Variants in DOCK8 observed in about 807,000 individuals in gnomAD.
DOCK8 encodes dedicator of cytokinesis 8.
Under a neutral mutation model 245.6 loss-of-function variants are expected in DOCK8, and 141 were observed. That is an observed-to-expected ratio of 0.57 (90% CI 0.50 to 0.66). The LOEUF is 0.66. Among genes scored for constraint, DOCK8 ranks in the 30% least tolerant of loss-of-function variants. The pLI is 0.00. For synonymous variants in DOCK8, 1,168 were observed against 970.2 expected (o/e 1.20, Z -3.79); for missense variants, 2,965 against 2,603.4 (o/e 1.14, Z -3.02).
chr9:257,252 A>G (rs1017301844), intron 1 of DOCK8, among the ~76,000 whole-genome samples: 1 of 152,224 alleles, frequency 6.6e-6, no homozygotes, highest in Non-Finnish European at 1.5e-5. Flanking sequence ...TATCTTAGTT[A>G]AATTTGGCTA....
intron 1 of DOCK8, among the ~76,000 whole-genome samples, chr9:261,997 GAGAAAGAAAGAAAGAA>G (rs149792134): frequency 7.6e-4 from 112 of 146,852 alleles, no homozygotes; most frequent in African/African-American, 2.6e-3. Flanking sequence ...AAGAAAGAAG[GAGAAAGAAAGAAAGAA>G]AGAAAGAAAG....
intron 1 of DOCK8, among the ~76,000 whole-genome samples, chr9:269,862 G>A (rs1043618864): frequency 5.3e-5 from 8 of 152,126 alleles, no homozygotes; most frequent in African/African-American, 1.4e-4. Flanking sequence ...ACTGCCAGAA[G>A]TATGTTTTCA....
intron 14 of DOCK8, among the ~76,000 whole-genome samples, chr9:367,125 G>A (rs1053677015): frequency 6.6e-6 from 1 of 152,188 alleles, no homozygotes. Flanking sequence ...ATAGCTATGA[G>A]AATTAAACAA....
intron 1 of DOCK8, among the ~76,000 whole-genome samples, chr9:231,094 G>T (rs2047106190): frequency 6.6e-6 from 1 of 152,088 alleles, no homozygotes. Flanking sequence ...TGTAAGGAAG[G>T]GATCCAGTTT....
Position 400,057 on chromosome 9 carries a change from ACCTC to A in DOCK8, c.3234+800_3234+803del, listed in dbSNP as rs2054720854. Among the ~76,000 whole-genome samples, 9 of 108,288 alleles carry A rather than the reference ACCTC, an allele frequency of 8.3e-5. 1 individual carries two copies. The highest frequency in any genetic ancestry group is 7.1e-4 in the East Asian group (3 of 4,254). 71.0% of individuals were successfully genotyped at this position (108,288 alleles called of 152,430 possible). On this transcript the variant is annotated intron_variant, in intron 26 of 47. Transcript: ENST00000432829. ...CACCACCACCACCTCCACCATCACC[ACCTC>A]CTTCACCATCACCATCACCACCACC... is the stretch of plus-strand genomic sequence containing the variant.
At chr9:248,383 G>C (rs1291038752) in intron 1 of DOCK8, among the ~76,000 whole-genome samples, 5 of 152,022 alleles carry the variant, frequency 3.3e-5, no homozygotes, top group African/African-American at 1.2e-4. Context: ...GCTTTCAAAG[G>C]AACACCATTT....
At chr9:227,670 C>T (rs896953547) in intron 1 of DOCK8, among the ~76,000 whole-genome samples, 45 of 152,202 alleles carry the variant, frequency 3.0e-4, no homozygotes, top group African/African-American at 1.1e-3. Flanking sequence ...TATTGGGCGG[C>T]TTGAAATACA....
chr9:258,748 C>A (rs920897981), intron 1 of DOCK8, among the ~76,000 whole-genome samples: 1 of 151,832 alleles, frequency 6.6e-6, no homozygotes, highest in Non-Finnish European at 1.5e-5. Flanking sequence ...CAGACATGTG[C>A]CACCATGCCC....
At chr9:214,606 A>C (rs141547371), upstream of DOCK8, 692 of 1,613,780 alleles carry the variant, frequency 4.3e-4, 2 homozygotes, top group Non-Finnish European at 5.3e-4. Flanking sequence ...GGGCAGATGG[A>C]GCTTCCGGCC....
intron 1 of DOCK8, among the ~76,000 whole-genome samples, chr9:242,809 T>A (rs560147195): frequency 1.3e-5 from 2 of 151,106 alleles, no homozygotes; most frequent in Non-Finnish European, 3.0e-5. Flanking sequence ...CTGTTGAGCT[T>A]GTTTTTTTTT....
intron 3 of DOCK8, among the ~76,000 whole-genome samples, 194 bp from the exon 4 acceptor site, chr9:289,316 T>A (rs1434410243): frequency 2.0e-5 from 3 of 152,300 alleles, no homozygotes; most frequent in Admixed American, 2.0e-4. Flanking sequence ...AATGCCAACA[T>A]GTTTGTCTCA....
chr9:433,298 G>A (rs2056782038), intron 37 of DOCK8, among the ~76,000 whole-genome samples: 1 of 152,226 alleles, frequency 6.6e-6, no homozygotes, highest in South Asian at 2.1e-4. Flanking sequence ...CTGGCAGAGG[G>A]GAACGGGGAT....
intron 7 of DOCK8, among the ~76,000 whole-genome samples, chr9:319,016 G>T (rs557086809): frequency 2.0e-5 from 3 of 152,156 alleles, no homozygotes; most frequent in Non-Finnish European, 4.4e-5. Context: ...GTTAATGGAG[G>T]CCAAGTGTGG....
At position 311,975 on chromosome 9, in the gene DOCK8, G is replaced by A. The variant is rs143461644; in HGVS notation, c.550G>A (p.Val184Met). The A allele has an allele frequency of 1.3e-3, 2,089 of 1,614,038 alleles. 4 individuals carry two copies. Among genetic ancestry groups the A allele is most frequent in the Non-Finnish European group, 1.3e-3 (1,590 of 1,180,036 alleles). The stretch of plus-strand genomic sequence containing the variant: ...ACAGGCAGGCCCCCGCCACTTAAAC[G>A]TGCTGTGCGACGTGTCTGGGAAAGG... ...AAQAGPRHLN[V>M]LCDVSGKGPV... The change falls in exon 6 of 48, where the codon GTG becomes ATG. Residue 184 changes from valine (V) to methionine (M), a missense_variant. By Grantham distance (21) the Val-to-Met change is conservative. Coordinates refer to ENST00000432829, the MANE Select transcript of DOCK8 (RefSeq NM_203447.4).
intron 47 of DOCK8, 45 bp downstream of exon 47, chr9:463,732 AGCGCATGGG>A (rs1357257162): frequency 2.5e-6 from 4 of 1,610,052 alleles, no homozygotes; most frequent in Non-Finnish European, 3.4e-6. Context: ...GATAAAGAGC[AGCGCATGGG>A]GCCTAGCACC....
chr9:317,425 CAGT>C (rs1180877620), intron 7 of DOCK8, among the ~76,000 whole-genome samples: 4 of 152,090 alleles, frequency 2.6e-5, no homozygotes, highest in East Asian at 1.9e-4. Context: ...GCGCTTAAGT[CAGT>C]GGTGTGCTGG....
intron 33 of DOCK8, among the ~76,000 whole-genome samples, chr9:426,270 G>C (rs1033272437): frequency 6.6e-6 from 1 of 152,176 alleles, no homozygotes; most frequent in African/African-American, 2.4e-5. Context: ...ATGTCCGGCA[G>C]GATATTAGAT....
chr9:344,210 C>T (rs1345080261), intron 14 of DOCK8, among the ~76,000 whole-genome samples: 1 of 152,214 alleles, frequency 6.6e-6, no homozygotes, highest in Non-Finnish European at 1.5e-5. Context: ...GTTGTGGCCC[C>T]TTCTCTTGGC....
chr9:428,640 A>G (rs1587007238), intron 35 of DOCK8, 144 bp downstream of exon 35: 1 of 1,060,186 alleles, frequency 9.4e-7, no homozygotes, highest in African/African-American at 1.6e-5. Context: ...CCTAGGAAGA[A>G]AGCAGATGCC....
Sources: gnomAD v4.1 joint callset for allele counts (sites outside exome capture counted in the v4.1 genomes callset) on GRCh38, gnomAD v4.1.1 for gene constraint, MANE v1.5 for transcripts, NCBI Gene and HGNC (gene_info 2026-07-23, HGNC 2026-07-21) for gene names.